CHERP: variants seen among roughly 807,000 people sequenced by gnomAD.
The protein encoded by CHERP is ERPROT 213-21.
Under a neutral mutation model 113.8 loss-of-function variants are expected in CHERP, and 8 were observed. The observed-to-expected ratio is 0.07, with a 90% CI of 0.04 to 0.13. The LOEUF (loss-of-function observed/expected upper bound fraction) is 0.13, where lower values mean the gene tolerates loss of function less well. Ranked by LOEUF, CHERP falls within the 10% of genes least tolerant of loss-of-function variation. The pLI, the probability that CHERP is intolerant of heterozygous loss-of-function variation, is 1.00. For missense variants in CHERP, 884 were observed against 1,298.2 expected, an observed-to-expected ratio of 0.68 and a Z score of 4.90; for synonymous variants, 559 against 524.5, an observed-to-expected ratio of 1.07 and a Z score of -0.90.
chr19:16,531,833 C>T (rs749192656), intron 5 of CHERP, among the ~76,000 whole-genome samples: 14 of 151,950 alleles, frequency 9.2e-5, no homozygotes, highest in South Asian at 2.1e-4. Context: ...ATAGATGGGG[C>T]GAGATGGGTG....
chr19:16,528,061 C>A lies in CHERP; in HGVS notation c.1305+19G>T. 6.2e-7 allele frequency: 1 copy of A among 1,611,650 alleles called. No homozygotes were observed. Among genetic ancestry groups the A allele is most frequent in the Non-Finnish European group, 8.5e-7 (1 of 1,179,544 alleles). On this transcript the variant is annotated intron_variant, in intron 9 of 16. Transcript: ENST00000546361. ...CCAAGTGTGCCCCATCTGCTCCCAC[C>A]CCAGGTTCCAATCAATACCTGCTGC...
chr19:16,528,321 T>C (rs1313689270), intron 8 of CHERP, 66 bp from the exon 9 acceptor site: 2 of 1,453,578 alleles, frequency 1.4e-6, no homozygotes, highest in Non-Finnish European at 1.9e-6. Flanking sequence ...CTCTCCACAC[T>C]ACCCCAGAGC....
At chr19:16,528,682 G>C (rs527305792) in intron 8 of CHERP, among the ~76,000 whole-genome samples, 1 of 152,126 alleles carries the variant, frequency 6.6e-6, no homozygotes, top group Non-Finnish European at 1.5e-5. Context: ...GGCCGGGTGC[G>C]GTGGCTCACG....
Position 16,523,280 on chromosome 19 carries a change from G to A in CHERP, c.1752C>T (p.Pro584=). 1 of 1,601,508 alleles carries A rather than the reference G, an allele frequency of 6.2e-7. No individual in the cohort carries two copies. Among genetic ancestry groups the A allele is most frequent in the Non-Finnish European group, 8.5e-7 (1 of 1,174,936 alleles). The change falls in exon 11 of 17, where the codon CCC becomes CCT. Residue 584 remains proline (P), a synonymous_variant. Coordinates refer to ENST00000546361, the MANE Select transcript of CHERP (RefSeq NM_006387.6). This position sits in a 1 kb window ranked among gnomAD's most constrained non-coding sequence, Gnocchi z 4.0. The stretch of plus-strand genomic sequence containing the variant: ...TGCGGTGGCCAGGGTGGTGGTGAGG[G>A]GGCCCCATTTCTGCAAAACAGAGAC... ...PQGDFPAEMG[P]PHHHPGHRMP...
chr19:16,538,021 C>T (rs2085752904), intron 2 of CHERP, among the ~76,000 whole-genome samples: 1 of 152,186 alleles, frequency 6.6e-6, no homozygotes, highest in South Asian at 2.1e-4. Context: ...AGTTGAGGCC[C>T]AGGCTTTAAG....
Position 16,520,027 on chromosome 19 carries a change from G to A in CHERP, c.2462+122C>T, listed in dbSNP as rs2085594250. The A allele has an allele frequency of 2.9e-6, 3 of 1,042,464 alleles. No homozygotes were observed. In the Admixed American group the frequency reaches 6.0e-5, roughly 21 times the overall value. The allele number at this position is 1,042,464 out of a possible 1,614,324, so 64.6% of individuals were successfully genotyped here. A position where few individuals can be genotyped will look rare whatever the true frequency, so the allele number is the denominator to read the frequency against. On this transcript the variant is annotated intron_variant, in intron 15 of 16. Transcript: ENST00000546361. This position sits in a 1 kb window ranked among gnomAD's most constrained non-coding sequence, Gnocchi z 4.0. The stretch of plus-strand genomic sequence containing the variant: ...GTGGTGAAGGGTGAGGGGTGCCACT[G>A]TCCCCGGGCTAATGCTGGCGGCCTC...
intron 9 of CHERP, among the ~76,000 whole-genome samples, chr19:16,527,804 C>T (rs974097199): frequency 3.9e-5 from 6 of 152,182 alleles, no homozygotes; most frequent in Non-Finnish European, 8.8e-5. Context: ...TGCCTTGCAG[C>T]GTTAAACTCC....
chr19:16,542,144 G>C (rs2085784367), intron 1 of CHERP, 101 bp from the exon 2 acceptor site: 3 of 1,374,148 alleles, frequency 2.2e-6, no homozygotes, highest in Non-Finnish European at 2.9e-6. Flanking sequence ...GGGACCCCAA[G>C]GGGGTGGGCC....
rs1011456878 is a variant in CHERP at position 16,531,613 on chromosome 19, C to T, written c.675-733G>A. Among the ~76,000 whole-genome samples the T allele has an allele frequency of 2.6e-5, 4 of 152,228 alleles. 1 individual carries two copies. The highest frequency in any genetic ancestry group is 1.9e-4 in the East Asian group (1 of 5,190). ...GGGCTGGGCGAGCAGCACTTGGCTT[C>T]GGACAGAGTAGAGCTAGAGAGGCGC... On this transcript the variant is annotated intron_variant, in intron 5 of 16. Transcript: ENST00000546361.
chr19:16,523,325 C>T lies in CHERP; in HGVS notation c.1742-35G>A, dbSNP rs368013917. The T allele has an allele frequency of 1.1e-5, 17 of 1,596,736 alleles. No individual in the cohort carries two copies. The highest frequency in any genetic ancestry group is 1.8e-5 in the Admixed American group (1 of 56,536). On this transcript the variant is annotated intron_variant, in intron 10 of 16. Coordinates refer to ENST00000546361, the MANE Select transcript of CHERP (RefSeq NM_006387.6). The surrounding 1 kb of genome is among the most constrained non-coding windows in gnomAD (Gnocchi z 4.0). ...AGAGACTTGCCTCAGGACCACAGGC[C>T]AGTCAGGATCTCCCAGGCGACAAGT... is the stretch of plus-strand genomic sequence containing the variant.
intron 2 of CHERP, among the ~76,000 whole-genome samples, chr19:16,536,710 TC>T (rs1273086514): frequency 1.3e-5 from 2 of 152,158 alleles, no homozygotes; most frequent in Admixed American, 6.5e-5. Flanking sequence ...TACCCGTCCC[TC>T]CCCAGCAGCA....
In CHERP at chr19:16,529,707, G is replaced by C. The variant is rs772150981; in HGVS notation, c.1070C>G (p.Pro357Arg). ...TGCTGGGGCCGGGGGTGGAGCAGGC[G>C]GTGGAGGCGTGGCCTTGACTTCAGC... ...MEAEVKATPP[P>R]PAPPPAPAPA... Residue 357 changes from proline to arginine, a missense_variant, in exon 8 of 17, where the codon CCG becomes CGG. Coordinates refer to ENST00000546361, the MANE Select transcript of CHERP (RefSeq NM_006387.6). 1 of 1,591,934 alleles carries C rather than the reference G, an allele frequency of 6.3e-7. No individual in the cohort carries two copies. The highest frequency in any genetic ancestry group is 1.1e-5 in the South Asian group (1 of 89,238).
At position 16,530,756 on chromosome 19, in the gene CHERP, G is replaced by C. The variant is rs755480848; in HGVS notation, c.786+13C>G. On this transcript the variant is annotated intron_variant, in intron 6 of 16. Coordinates refer to ENST00000546361, the MANE Select transcript of CHERP (RefSeq NM_006387.6). This position sits in a 1 kb window ranked among gnomAD's most constrained non-coding sequence, Gnocchi z 4.1. Reference sequence around the variant, plus strand: ...CCCGGTCTTGCCCAACCCCCGGCCCGGGGCCCACGCACCCGGGCGATCTTC... The same window carrying C: ...CCCGGTCTTGCCCAACCCCCGGCCCCGGGCCCACGCACCCGGGCGATCTTC... 1 of 1,613,756 alleles carries C rather than the reference G, an allele frequency of 6.2e-7. No homozygotes were observed. The highest frequency in any genetic ancestry group is 8.5e-7 in the Non-Finnish European group (1 of 1,179,884).
Position 16,519,299 on chromosome 19 carries a change from T to C in CHERP, c.2611A>G (p.Ile871Val). 6.2e-7 allele frequency: 1 copy of C among 1,613,910 alleles called. No individual in the cohort carries two copies. Among genetic ancestry groups the C allele is most frequent in the Non-Finnish European group, 8.5e-7 (1 of 1,180,010 alleles). ...GAKEQGIQDP[I>V]KGGDVRDKWD... Reference sequence around the variant, plus strand: ...TTATCCCGGACGTCCCCGCCCTTGATGGGGTCCTGGATCCCTTGCTCCTTC... The same window carrying C: ...TTATCCCGGACGTCCCCGCCCTTGACGGGGTCCTGGATCCCTTGCTCCTTC... The change falls in exon 17 of 17, where the codon ATC (isoleucine) becomes GTC (valine). Residue 871 changes from isoleucine to valine, a missense_variant. Around this residue, in one of 8 missense-constraint regions of CHERP, gnomAD observed 42 missense variants for 105.1 expected, o/e 0.40. Transcript: ENST00000546361. This position sits in a 1 kb window ranked among gnomAD's most constrained non-coding sequence, Gnocchi z 6.0.
chr19:16,523,085 A>C lies in CHERP; in HGVS notation c.1947T>G (p.Asp649Glu). The part of the protein sequence containing the change: ...PSLVPNVPYF[D>E]LPAGLMAPLV... Reference sequence around the variant, plus strand: ...GGGGGGCCATCAGCCCAGCAGGGAGATCGAAGTAGGGCACATTGGGGACCA... The same window carrying C: ...GGGGGGCCATCAGCCCAGCAGGGAGCTCGAAGTAGGGCACATTGGGGACCA... Residue 649 changes from aspartate (D) to glutamate (E), a missense_variant, in exon 11 of 17, where the codon GAT becomes GAG. Coordinates refer to ENST00000546361, the MANE Select transcript of CHERP (RefSeq NM_006387.6). The surrounding 1 kb of genome is among the most constrained non-coding windows in gnomAD (Gnocchi z 4.0). The C allele has an allele frequency of 1.3e-6, 2 of 1,527,158 alleles. No homozygotes were observed. The highest frequency in any genetic ancestry group is 1.8e-6 in the Non-Finnish European group (2 of 1,140,746). The allele number at this position is 1,527,158 out of a possible 1,614,324, so 94.6% of individuals were successfully genotyped here.
chr19:16,524,771 T>G (rs1599748060), intron 10 of CHERP, among the ~76,000 whole-genome samples: 1 of 149,580 alleles, frequency 6.7e-6, no homozygotes, highest in East Asian at 2.0e-4. Context: ...AGTTTTTTGT[T>G]TTTTTTTTTT....
rs986068190 is a variant in CHERP at position 16,521,008 on chromosome 19, A to G, written c.2115-96T>C. On this transcript the variant is annotated intron_variant, in intron 12 of 16. Transcript: ENST00000546361. ...GGAGTTAATCCACAGAACCTTGGAG[A>G]GTACATGGCCCTGTGGCTGTGGGCT... 8 of 1,054,350 alleles carry G rather than the reference A, an allele frequency of 7.6e-6. No individual in the cohort carries two copies. In the Admixed American group the frequency reaches 1.4e-4, roughly 18 times the overall value. 65.3% of individuals were successfully genotyped at this position (1,054,350 alleles called of 1,614,324 possible).
chr19:16,535,478 C>T lies in CHERP; in HGVS notation c.358G>A (p.Glu120Lys). The T allele has an allele frequency of 6.2e-7, 1 of 1,609,670 alleles. No individual in the cohort carries two copies. Among genetic ancestry groups the T allele is most frequent in the East Asian group, 2.2e-5 (1 of 44,708 alleles). ...TGTCTGAGCGCCAGCAAGTGCTGCT[C>T]CTGCTGCTGGAGGTTCCACTGGCTC... ...QQSQWNLQQQ[E>K]QHLLALRQEQ... Residue 120 changes from glutamate (E) to lysine (K), a missense_variant, in exon 3 of 17, where the codon GAG (glutamate) becomes AAG (lysine). This residue lies in a region of CHERP where 109 missense variants were observed against 134.2 expected (regional missense o/e 0.81). Coordinates refer to ENST00000546361, the MANE Select transcript of CHERP (RefSeq NM_006387.6). This position sits in a 1 kb window ranked among gnomAD's most constrained non-coding sequence, Gnocchi z 4.3.
Position 16,523,257 on chromosome 19 carries a change from C to A in CHERP, c.1775G>T (p.Arg592Leu), listed in dbSNP as rs371011161. ...CTCGTTGATGCCAGGATGAGGCATG[C>A]GGTGGCCAGGGTGGTGGTGAGGGGG... Reference protein sequence around the residue: ...MGPPHHHPGHRMPHPGINEHP... With the variant: ...MGPPHHHPGHLMPHPGINEHP... The change falls in exon 11 of 17, where the codon CGC (arginine) becomes CTC (leucine). Residue 592 changes from arginine to leucine, a missense_variant. Arg to Leu is a moderately radical substitution (Grantham distance 102). Around this residue, in one of 8 missense-constraint regions of CHERP, gnomAD observed 464 missense variants for 590.1 expected, o/e 0.79. Transcript: ENST00000546361. This position sits in a 1 kb window ranked among gnomAD's most constrained non-coding sequence, Gnocchi z 4.0. The A allele has an allele frequency of 1.9e-6, 3 of 1,602,080 alleles. No homozygotes were observed. The highest frequency in any genetic ancestry group is 2.7e-5 in the African/African-American group (2 of 73,812).
Sources: gnomAD v4.1 joint callset for allele counts (sites outside exome capture counted in the v4.1 genomes callset) on GRCh38, gnomAD v4.1.1 for gene constraint, gnomAD v4.1.1 regional missense constraint, Gnocchi (gnomAD v3.1) non-coding constraint, MANE v1.5 for transcripts, NCBI Gene and HGNC (gene_info 2026-07-23, HGNC 2026-07-21) for gene names.